The following CSMD3 variants were observed in gnomAD, a reference collection of about 807,000 sequenced individuals.
CSMD3 encodes CUB and sushi domain-containing protein 3.
Under a neutral mutation model 435.2 loss-of-function variants are expected in CSMD3, and 177 were observed. The ratio of observed to expected loss-of-function variants is 0.41; its 90% CI spans 0.36 to 0.46. The LOEUF (loss-of-function observed/expected upper bound fraction) is 0.46. CSMD3 is among the 20% of genes least tolerant of loss of function. CSMD3 has a pLI of 0.34. For synonymous variants in CSMD3, 1,656 were observed against 1,520.5 expected, an observed-to-expected ratio of 1.09 and a Z score of -2.07; for missense variants, 4,265 against 4,504.6, an observed-to-expected ratio of 0.95 and a Z score of 1.52.
At position 112,921,515 on chromosome 8, in the gene CSMD3, T is replaced by C. The variant is rs993713395; in HGVS notation, c.1633+112A>G. On this transcript the variant is annotated intron_variant, in intron 10 of 70. Coordinates refer to ENST00000297405, the MANE Select transcript of CSMD3 (RefSeq NM_198123.2). ...AATATCAATAAATATATGAGCACAATCTTTCCTTAAAGATTATATTACAAT... is the reference window on the plus strand; with the variant it reads ...AATATCAATAAATATATGAGCACAACCTTTCCTTAAAGATTATATTACAAT... 5.3e-6 allele frequency: 5 copies of C among 948,978 alleles called. No individual in the cohort carries two copies. The Admixed American group carries it at 9.1e-5, about 17-fold the overall frequency. 58.8% of individuals were successfully genotyped at this position (948,978 alleles called of 1,614,324 possible).
intron 10 of CSMD3, among the ~76,000 whole-genome samples, chr8:112,883,085 C>G (rs560368117): frequency 6.6e-6 from 1 of 151,968 alleles, no homozygotes; most frequent in Non-Finnish European, 1.5e-5. Context: ...GGCCATCTGG[C>G]AAGCAGATGT....
chr8:113,206,835 C>T (rs1372091528), intron 3 of CSMD3, among the ~76,000 whole-genome samples: 1 of 152,122 alleles, frequency 6.6e-6, no homozygotes, highest in Non-Finnish European at 1.5e-5. Context: ...AATTCCACAC[C>T]TTTTCTTTTC....
chr8:112,971,185 T>C (rs2084642845), intron 7 of CSMD3, among the ~76,000 whole-genome samples: 2 of 152,326 alleles, frequency 1.3e-5, no homozygotes, highest in Middle Eastern at 3.4e-3. Context: ...TAAAGTTATG[T>C]AGACCGCTCT....
chr8:113,248,330 T>C (rs911298853), intron 3 of CSMD3, among the ~76,000 whole-genome samples: 1 of 151,066 alleles, frequency 6.6e-6, no homozygotes, highest in Non-Finnish European at 1.5e-5. Context: ...TAATTTGTTT[T>C]AGTGTTTAAA....
intron 16 of CSMD3, among the ~76,000 whole-genome samples, chr8:112,678,361 G>T (rs2131759888): frequency 6.6e-6 from 1 of 152,240 alleles, no homozygotes; most frequent in East Asian, 1.9e-4. Context: ...TTAAAAGCAA[G>T]ACATCCACTA....
At chr8:112,444,994 G>A (rs781064706) in intron 32 of CSMD3, among the ~76,000 whole-genome samples, 2 of 152,128 alleles carry the variant, frequency 1.3e-5, no homozygotes, top group African/African-American at 2.4e-5. Context: ...TATAAACCTA[G>A]CACTTTGGGA....
At chr8:112,709,004 G>T (rs2076556319) in intron 13 of CSMD3, among the ~76,000 whole-genome samples, 2 of 151,980 alleles carry the variant, frequency 1.3e-5, no homozygotes, top group Non-Finnish European at 1.5e-5. Context: ...CTGCGTTTAA[G>T]TCTCTGCCAA....
intron 50 of CSMD3, among the ~76,000 whole-genome samples, chr8:112,307,161 G>A (rs1422440449): frequency 2.6e-5 from 4 of 151,380 alleles, no homozygotes; most frequent in South Asian, 2.1e-4. Context: ...GTCTCAATCT[G>A]CCGCCTGGCT....
At chr8:113,381,199 G>A (rs916113492) in intron 1 of CSMD3, among the ~76,000 whole-genome samples, 6 of 151,988 alleles carry the variant, frequency 3.9e-5, no homozygotes, top group Non-Finnish European at 8.8e-5. Flanking sequence ...AGGTGCAAGT[G>A]GAAAGAGAAA....
chr8:112,907,800 T>C (rs951190685), intron 10 of CSMD3, among the ~76,000 whole-genome samples: 9 of 151,456 alleles, frequency 5.9e-5, no homozygotes, highest in African/African-American at 2.2e-4. Flanking sequence ...GATATAGCAA[T>C]GAATTATCTG....
chr8:112,281,479 A>G (rs1469296435), intron 58 of CSMD3, 129 bp from the exon 59 acceptor site: 1 of 725,870 alleles, frequency 1.4e-6, no homozygotes, highest in Non-Finnish European at 2.4e-6. Flanking sequence ...ATAAGTAGTA[A>G]AGTATCTAGG....
At chr8:112,405,019 T>C (rs1244690025) in intron 35 of CSMD3, among the ~76,000 whole-genome samples, 1 of 150,178 alleles carries the variant, frequency 6.7e-6, no homozygotes, top group Non-Finnish European at 1.5e-5. Flanking sequence ...CCCTTTTGTA[T>C]TTTGTAAAAA....
intron 32 of CSMD3, among the ~76,000 whole-genome samples, chr8:112,430,395 T>A (rs1283101343): frequency 6.6e-6 from 1 of 152,042 alleles, no homozygotes; most frequent in Admixed American, 6.6e-5. Flanking sequence ...CTCATTTAGG[T>A]AATCAGTTAT....
chr8:113,182,365 G>A (rs2131936366), intron 3 of CSMD3, among the ~76,000 whole-genome samples: 1 of 152,048 alleles, frequency 6.6e-6, no homozygotes, highest in Non-Finnish European at 1.5e-5. Context: ...AGCAGTATAT[G>A]CAGAATAAGT....
Position 112,406,538 on chromosome 8 carries a change from A to G in CSMD3, c.5795T>C (p.Leu1932Ser). 3 of 1,606,442 alleles carry G rather than the reference A, an allele frequency of 1.9e-6. No homozygotes were observed. The highest frequency in any genetic ancestry group is 1.1e-5 in the South Asian group (1 of 90,664). Residue 1932 changes from leucine (L) to serine (S), a missense_variant, in exon 35 of 71, where the codon TTA (leucine) becomes TCA (serine). Around this residue, in one of 3 missense-constraint regions of CSMD3, gnomAD observed 3,255 missense variants for 3,380.2 expected, o/e 0.96. Coordinates refer to ENST00000297405, the MANE Select transcript of CSMD3 (RefSeq NM_198123.2). The stretch of plus-strand genomic sequence containing the variant: ...TATATACTCACCAATACAAGTAGGT[A>G]AGGAATCATTCCACTGGGCCAAAGA... ...PNSLAQWNDSLPTCIVPCGGI... is the reference protein window; with the variant it reads ...PNSLAQWNDSSPTCIVPCGGI...
At chr8:112,520,837 G>T (rs904209698) in intron 27 of CSMD3, among the ~76,000 whole-genome samples, 1 of 151,634 alleles carries the variant, frequency 6.6e-6, no homozygotes, top group Non-Finnish European at 1.5e-5. Flanking sequence ...CCCTTATTTT[G>T]TTTTATTTCC....
intron 13 of CSMD3, among the ~76,000 whole-genome samples, chr8:112,769,937 G>A (rs1398094601): frequency 6.6e-6 from 1 of 151,954 alleles, no homozygotes; most frequent in Non-Finnish European, 1.5e-5. Flanking sequence ...TTACTCTCAT[G>A]TGTAACTGAA....
chr8:113,297,550 C>A (rs1053688025), intron 2 of CSMD3, among the ~76,000 whole-genome samples: 2 of 151,830 alleles, frequency 1.3e-5, no homozygotes, highest in African/African-American at 2.4e-5. Flanking sequence ...AATTAGTAAT[C>A]TAAAAATGCT....
intron 10 of CSMD3, among the ~76,000 whole-genome samples, chr8:112,887,076 T>C (rs2081622248): frequency 6.6e-6 from 1 of 151,542 alleles, no homozygotes. Context: ...CTCAGTCTCC[T>C]CACTGGTAAA....
Sources: allele counts gnomAD v4.1 joint callset (sites outside exome capture counted in the v4.1 genomes callset), GRCh38; gene constraint gnomAD v4.1.1; regional missense constraint gnomAD v4.1.1; transcripts MANE v1.5; gene names NCBI Gene and HGNC (gene_info 2026-07-23, HGNC 2026-07-21).